PKD1L1: variants seen among roughly 807,000 people sequenced by gnomAD.
PKD1L1 encodes the protein polycystin-1-like protein 1.
Under a neutral mutation model 323.4 loss-of-function variants are expected in PKD1L1, and 236 were observed. The observed-to-expected ratio is 0.73, with a 90% CI of 0.66 to 0.81. The LOEUF (loss-of-function observed/expected upper bound fraction) is 0.81, where lower values mean the gene tolerates loss of function less well. PKD1L1 is among the 40% of genes least tolerant of loss of function. The pLI is 0.00. For missense variants in PKD1L1, 3,320 were observed against 3,508.0 expected (o/e 0.95, Z 1.35); for synonymous variants, 1,344 against 1,335.0 (o/e 1.01, Z -0.15).
chr7:47,846,569 C>T (rs1028431241), intron 32 of PKD1L1, among the ~76,000 whole-genome samples: 2 of 152,232 alleles, frequency 1.3e-5, no homozygotes, highest in African/African-American at 2.4e-5. Flanking sequence ...TATCACTCAT[C>T]CACCGACTCA....
rs1474810224 is a variant in PKD1L1, at chr7:47,946,164, G to A, written c.44+2233C>T. On this transcript the variant is annotated intron_variant, in intron 1 of 56. Transcript: ENST00000289672. The surrounding 1 kb of genome is among the most constrained non-coding windows in gnomAD (Gnocchi z 4.1). ...TTCCTCTTAGTTAACTGTGACTGTCGGGGAACAGGATGATACTGATGGCTC... is the reference window on the plus strand; with the variant it reads ...TTCCTCTTAGTTAACTGTGACTGTCAGGGAACAGGATGATACTGATGGCTC... Among the ~76,000 whole-genome samples, 8 of 152,064 alleles carry A rather than the reference G, an allele frequency of 5.3e-5. No individual in the cohort carries two copies. The highest frequency in any genetic ancestry group is 1.9e-4 in the East Asian group (1 of 5,190).
rs2123608 is a variant in PKD1L1, at chr7:47,812,314, G to A, written c.7347-263C>T. Reference sequence around the variant, plus strand: ...CTCAGGCAGGAGGGACCTGGAGAACGGAGGCCTCCATTTCCCACCCCAACC... The same window carrying A: ...CTCAGGCAGGAGGGACCTGGAGAACAGAGGCCTCCATTTCCCACCCCAACC... On this transcript the variant is annotated intron_variant, in intron 49 of 56. Coordinates refer to ENST00000289672, the MANE Select transcript of PKD1L1 (RefSeq NM_138295.5). 0.42 allele frequency among the ~76,000 whole-genome samples: 63,372 copies of A among 150,374 alleles called. 13,617 individuals carry two copies. The highest frequency in any genetic ancestry group is 0.64 in the East Asian group (3,240 of 5,096).
intron 47 of PKD1L1, among the ~76,000 whole-genome samples, chr7:47,814,750 G>GATCC (rs1278283155): frequency 1.3e-5 from 2 of 152,154 alleles, no homozygotes; most frequent in African/African-American, 4.8e-5. Context: ...CTGACCTCGT[G>GATCC]ATCCACCTGC....
chr7:47,857,684 T>C lies in PKD1L1; in HGVS notation c.4511A>G (p.Glu1504Gly). Residue 1504 changes from glutamate (E) to glycine (G), a missense_variant, in exon 28 of 57, where the codon GAG becomes GGG. By Grantham distance (98) the Glu-to-Gly change is moderately conservative. Transcript: ENST00000289672. ...GCTAATGTAGCATGGGCTCTGTGTC[T>C]CCGCCCCAGCAGGACTGTGCCCAGC... The part of the protein sequence containing the change: ...DLAGHSPAGA[E>G]TQSPCYISQL... The C allele has an allele frequency of 1.9e-6, 3 of 1,614,156 alleles. No individual in the cohort carries two copies. Among genetic ancestry groups the C allele is most frequent in the Non-Finnish European group, 2.5e-6 (3 of 1,180,038 alleles).
chr7:47,810,942 G>A (rs1172282637), intron 50 of PKD1L1, among the ~76,000 whole-genome samples: 2 of 152,252 alleles, frequency 1.3e-5, no homozygotes, highest in Admixed American at 6.5e-5. Flanking sequence ...TGGGGCTCTG[G>A]TCCTATAGGA....
chr7:47,817,823 T>C (rs1785052987), intron 46 of PKD1L1, among the ~76,000 whole-genome samples: 1 of 152,050 alleles, frequency 6.6e-6, no homozygotes, highest in African/African-American at 2.4e-5. Context: ...TGAGCCGAGA[T>C]CGCGTCACTG....
At chr7:47,936,745 T>G in intron 4 of PKD1L1, 101 bp downstream of exon 4, 2 of 907,226 alleles carry the variant, frequency 2.2e-6, no homozygotes, top group East Asian at 4.9e-5. Context: ...TCGGGCCATG[T>G]AGGAACAAGC....
Position 47,877,585 on chromosome 7 carries a change from G to A in PKD1L1, c.3567C>T (p.Val1189=). The part of the protein sequence containing the change: ...LLGKAQLYLT[V]NPAPRDMACQ... The stretch of plus-strand genomic sequence containing the variant: ...AGGCCATGTCCCGAGGAGCCGGGTT[G>A]ACTGTCAAGTACAGCTGAGCTTTAC... Residue 1189 remains valine, a synonymous_variant, in exon 22 of 57, where the codon GTC becomes GTT. Transcript: ENST00000289672. The A allele has an allele frequency of 6.2e-7, 1 of 1,614,182 alleles. No individual in the cohort carries two copies. Among genetic ancestry groups the A allele is most frequent in the Non-Finnish European group, 8.5e-7 (1 of 1,180,032 alleles).
At chr7:47,956,131 C>G in the PKD1L1 span, among the ~76,000 whole-genome samples, 2 of 151,868 alleles carry the variant, frequency 1.3e-5, no homozygotes, top group Admixed American at 1.3e-4. Flanking sequence ...GAAGCTGTGA[C>G]AACTCACTGG....
chr7:47,831,473 G>A, intron 41 of PKD1L1, 121 bp from the exon 42 acceptor site: 1 of 1,305,822 alleles, frequency 7.7e-7, no homozygotes, highest in East Asian at 2.4e-5. Context: ...CCAGGCATTT[G>A]GTTAAATGTG....
chr7:47,886,018 A>C lies in PKD1L1; in HGVS notation c.2873T>G (p.Leu958Arg). The C allele has an allele frequency of 1.2e-6, 2 of 1,614,158 alleles. No individual in the cohort carries two copies. Among genetic ancestry groups the C allele is most frequent in the Non-Finnish European group, 1.7e-6 (2 of 1,179,992 alleles). ...FCRVVGLLGS[L>R]GLGAISESSQ... ...TGACTCTGAAATGGCACCGAGTCCC[A>C]GCGAGCCAAGCAGCCCCACTACTCT... The change falls in exon 18 of 57, where the codon CTG (leucine) becomes CGG (arginine). Residue 958 changes from leucine (L) to arginine (R), a missense_variant. By Grantham distance (102) the Leu-to-Arg change is moderately radical (BLOSUM62 -2). Transcript: ENST00000289672.
At chr7:47,842,356 T>C (rs1785579107) in intron 34 of PKD1L1, among the ~76,000 whole-genome samples, 1 of 152,128 alleles carries the variant, frequency 6.6e-6, no homozygotes, top group African/African-American at 2.4e-5. Flanking sequence ...CCAATCCTAT[T>C]GCTTCCATAA....
chr7:47,844,582 G>T (rs572956055), intron 33 of PKD1L1, among the ~76,000 whole-genome samples: 20 of 152,270 alleles, frequency 1.3e-4, no homozygotes, highest in African/African-American at 4.8e-4. Flanking sequence ...TCTAAAATGG[G>T]ATACTCCAGA....
At chr7:47,924,559 T>TGG (rs945202840) in intron 7 of PKD1L1, among the ~76,000 whole-genome samples, 1 of 152,214 alleles carries the variant, frequency 6.6e-6, no homozygotes, top group Admixed American at 6.5e-5. Context: ...TGGCAGGTTA[T>TGG]GGTTTAATGC....
At chr7:47,867,633 A>G (rs1786195254) in intron 24 of PKD1L1, among the ~76,000 whole-genome samples, 1 of 152,222 alleles carries the variant, frequency 6.6e-6, no homozygotes, top group South Asian at 2.1e-4. Flanking sequence ...AGATGTTGGA[A>G]TTAGCAAGGA....
intron 31 of PKD1L1, among the ~76,000 whole-genome samples, chr7:47,849,677 C>A (rs1228815506): frequency 1.4e-5 from 2 of 146,642 alleles, no homozygotes; most frequent in African/African-American, 2.7e-5. Context: ...TTTTAAAAGT[C>A]AAAAAATAAT....
At position 47,857,658 on chromosome 7, in the gene PKD1L1, G is replaced by A; in HGVS notation, c.4537C>T (p.Gln1513Ter). The A allele has an allele frequency of 6.2e-7, 1 of 1,614,186 alleles. No individual in the cohort carries two copies. Among genetic ancestry groups the A allele is most frequent in the Non-Finnish European group, 8.5e-7 (1 of 1,180,040 alleles). ...GGGTTCTTCTTGAAGAGTATGAGCT[G>A]GCTAATGTAGCATGGGCTCTGTGTC... is the stretch of plus-strand genomic sequence containing the variant. ...AETQSPCYIS[Q>*]LILFKKNPYP... Residue 1513 changes from glutamine (Q) to a stop codon, truncating the protein, a stop_gained, in exon 28 of 57, where the codon CAG becomes TAG. Coordinates refer to ENST00000289672, the MANE Select transcript of PKD1L1 (RefSeq NM_138295.5). LOFTEE classifies it high-confidence loss of function.
At chr7:47,815,790 G>T (rs74353171) in intron 46 of PKD1L1, among the ~76,000 whole-genome samples, 177 of 152,256 alleles carry the variant, frequency 1.2e-3, no homozygotes, top group African/African-American at 4.0e-3. Flanking sequence ...CCTCCTATGG[G>T]GAAACAGGCA....
chr7:47,821,923 A>T (rs1462686010), intron 45 of PKD1L1, among the ~76,000 whole-genome samples: 6 of 152,098 alleles, frequency 3.9e-5, no homozygotes, highest in South Asian at 4.2e-4. Context: ...TCTTGATATC[A>T]GGTGATCCAC....
Sources: gnomAD v4.1 joint callset for allele counts (sites outside exome capture counted in the v4.1 genomes callset) on GRCh38, gnomAD v4.1.1 for gene constraint, Gnocchi (gnomAD v3.1) non-coding constraint, MANE v1.5 for transcripts, NCBI Gene and HGNC (gene_info 2026-07-23, HGNC 2026-07-21) for gene names.